SUMF1: variants seen among roughly 807,000 people sequenced by gnomAD.
The protein encoded by SUMF1 is formylglycine-generating enzyme.
In SUMF1, 48 loss-of-function variants were observed where a neutral mutation model predicts 47.6. That is an observed-to-expected ratio of 1.01 (90% confidence interval 0.80 to 1.28). The LOEUF is 1.28. Among genes scored for constraint, SUMF1 ranks in the 50% most tolerant of loss-of-function variants. The pLI is 0.00. For synonymous variants in SUMF1, 230 were observed against 192.1 expected (o/e 1.20, Z -1.63); for missense variants, 571 against 485.4 (o/e 1.18, Z -1.66).
intron 8 of SUMF1, among the ~76,000 whole-genome samples, chr3:4,239,093 C>T (rs995631962): frequency 6.6e-6 from 1 of 151,586 alleles, no homozygotes; most frequent in Non-Finnish European, 1.5e-5. Context: ...GTAGATGTGT[C>T]GCATTATTTC....
intron 8 of SUMF1, among the ~76,000 whole-genome samples, chr3:4,254,703 CAGG>C (rs1304280269): frequency 2.7e-5 from 4 of 149,560 alleles, no homozygotes; most frequent in African/African-American, 9.8e-5. Context: ...GGAAATTATC[CAGG>C]AGAACTTCCC....
intron 3 of SUMF1, among the ~76,000 whole-genome samples, chr3:4,442,349 G>T (rs1243266088): frequency 6.8e-6 from 1 of 146,634 alleles, no homozygotes; most frequent in Admixed American, 6.9e-5. Context: ...TCCGCCTCCC[G>T]GGTTCACGCC....
intron 3 of SUMF1, among the ~76,000 whole-genome samples, chr3:4,442,256 TC>T (rs1013212770): frequency 6.0e-5 from 7 of 115,868 alleles, no homozygotes; most frequent in African/African-American, 1.4e-4. Flanking sequence ...CACCATGAAC[TC>T]TTTTTTTTTT....
chr3:4,450,160 G>C (rs1417865915), intron 2 of SUMF1, among the ~76,000 whole-genome samples: 1 of 152,104 alleles, frequency 6.6e-6, no homozygotes. Flanking sequence ...CTCATTCTGG[G>C]GGTCTAGGGT....
intron 8 of SUMF1, among the ~76,000 whole-genome samples, chr3:4,132,009 A>C (rs1003372412): frequency 1.3e-5 from 2 of 152,150 alleles, no homozygotes; most frequent in Admixed American, 1.3e-4. Flanking sequence ...GCAGAGACCA[A>C]CACTGAGCCC....
intron 8 of SUMF1, among the ~76,000 whole-genome samples, chr3:4,217,204 G>C (rs1030749293): frequency 2.6e-5 from 4 of 151,848 alleles, no homozygotes; most frequent in Non-Finnish European, 5.9e-5. Context: ...ATGAGTTCAT[G>C]TCCTTTGCAG....
intron 8 of SUMF1, among the ~76,000 whole-genome samples, chr3:4,201,917 A>G (rs1351963918): frequency 6.6e-6 from 1 of 151,900 alleles, no homozygotes; most frequent in East Asian, 1.9e-4. Context: ...AGCAATGTCT[A>G]TTGAGATCTT....
chr3:4,291,375 C>T (rs183511533), intron 8 of SUMF1, among the ~76,000 whole-genome samples: 2 of 152,118 alleles, frequency 1.3e-5, no homozygotes, highest in Admixed American at 6.6e-5. Context: ...CTCTCTCCCC[C>T]TCATCTCTGC....
rs1408457581 is a variant in SUMF1 at position 4,084,295 on chromosome 3, G to A, written c.1015-15550C>T. 2.0e-5 allele frequency among the ~76,000 whole-genome samples: 3 copies of A among 152,076 alleles called. No individual in the cohort carries two copies. In the South Asian group the frequency reaches 6.2e-4, roughly 32 times the overall value. ...TTGCAACCACTGGACCCAATAGATT[G>A]ACTATACAGGAGGCTACTCAGGAGT... On this transcript the variant is annotated intron_variant and NMD_transcript_variant, in intron 8 of 12. Transcript: ENST00000448413.
chr3:4,358,999 T>C (rs372045545), downstream of SUMF1, among the ~76,000 whole-genome samples: 1 of 152,212 alleles, frequency 6.6e-6, no homozygotes, highest in Non-Finnish European at 1.5e-5. Flanking sequence ...TGTGGTACAA[T>C]GTACAAAGTT....
chr3:4,224,055 G>T (rs896503615), intron 8 of SUMF1, among the ~76,000 whole-genome samples: 1 of 152,098 alleles, frequency 6.6e-6, no homozygotes, highest in African/African-American at 2.4e-5. Context: ...AAAGAACCAG[G>T]GGCCGGGGGT....
At chr3:4,036,881 T>C (rs1694809656) in intron 9 of SUMF1, among the ~76,000 whole-genome samples, 2 of 133,084 alleles carry the variant, frequency 1.5e-5, no homozygotes, top group Admixed American at 7.5e-5. Flanking sequence ...AAAGAGACCA[T>C]GGTGAAATCA....
chr3:4,042,715 AT>A (rs1694930126), intron 9 of SUMF1, among the ~76,000 whole-genome samples: 1 of 151,944 alleles, frequency 6.6e-6, no homozygotes, highest in Non-Finnish European at 1.5e-5. Flanking sequence ...CCAAATAAAT[AT>A]TTTTTTCTTT....
At chr3:4,432,036 G>A (rs534616573) in intron 3 of SUMF1, among the ~76,000 whole-genome samples, 1 of 151,974 alleles carries the variant, frequency 6.6e-6, no homozygotes, top group African/African-American at 2.4e-5. Flanking sequence ...GTCTCCTGGA[G>A]ACCTTCCCTC....
intron 8 of SUMF1, among the ~76,000 whole-genome samples, chr3:4,337,960 AG>A (rs1699190010): frequency 6.6e-6 from 1 of 152,216 alleles, no homozygotes. Flanking sequence ...TAAAAAATCA[AG>A]GGCAGCTCAA....
chr3:4,441,164 G>C (rs932386877), intron 3 of SUMF1, among the ~76,000 whole-genome samples: 8 of 152,138 alleles, frequency 5.3e-5, no homozygotes, highest in Admixed American at 5.2e-4. Flanking sequence ...TACCACCTGA[G>C]CTCTGCCTCC....
intron 8 of SUMF1, among the ~76,000 whole-genome samples, chr3:4,333,841 T>C (rs903624813): frequency 6.6e-6 from 1 of 152,000 alleles, no homozygotes; most frequent in Admixed American, 6.5e-5. Flanking sequence ...TTTTAAGTTT[T>C]AGCCAGCCAG....
At chr3:4,174,105 C>A (rs1694900442) in intron 8 of SUMF1, among the ~76,000 whole-genome samples, 1 of 152,000 alleles carries the variant, frequency 6.6e-6, no homozygotes, top group Admixed American at 6.6e-5. Flanking sequence ...GCCTGTAATC[C>A]CAGCACTTCA....
chr3:4,217,511 TTTTTATATATATATATATATATA>T lies in SUMF1; in HGVS notation c.1015-148789_1015-148767del, dbSNP rs1370482799. Among the ~76,000 whole-genome samples the T allele has an allele frequency of 3.3e-4, 22 of 67,046 alleles. 3 individuals carry two copies. The highest frequency in any genetic ancestry group is 1.8e-3 in the African/African-American group (20 of 11,226). 44.0% of individuals were successfully genotyped at this position (67,046 alleles called of 152,430 possible). A position where few individuals can be genotyped will look rare whatever the true frequency, so the allele number is the denominator to read the frequency against. On this transcript the variant is annotated intron_variant and NMD_transcript_variant, in intron 8 of 12. Transcript: ENST00000448413. Reference sequence around the variant, plus strand: ...ACATGTATCCCAGAACTTAAAGTATTTTTTATATATATATATATATATATATATGAAGAAAAAGAAAACTAGAC... The same window carrying T: ...ACATGTATCCCAGAACTTAAAGTATTTATATGAAGAAAAAGAAAACTAGAC...
Sources: allele counts gnomAD v4.1 joint callset (sites outside exome capture counted in the v4.1 genomes callset), GRCh38; gene constraint gnomAD v4.1.1; transcripts MANE v1.5; gene names NCBI Gene and HGNC (gene_info 2026-07-23, HGNC 2026-07-21).